The following MRTFA variants were observed in gnomAD, a reference collection of about 807,000 sequenced individuals.
The protein encoded by MRTFA is myocardin related transcription factor A.
In MRTFA, 20 loss-of-function variants were observed where a neutral mutation model predicts 83.5. That is an observed-to-expected ratio of 0.24 (90% CI 0.17 to 0.35). The LOEUF is 0.35. MRTFA is among the 10% of genes least tolerant of loss of function. MRTFA has a pLI of 1.00. For missense variants in MRTFA, 1,200 were observed against 1,224.7 expected, an observed-to-expected ratio of 0.98 and a Z score of 0.30; for synonymous variants, 659 against 541.2, an observed-to-expected ratio of 1.22 and a Z score of -3.02.
At chr22:40,499,967 G>T (rs1022222467) in intron 3 of MRTFA, among the ~76,000 whole-genome samples, 2 of 137,820 alleles carry the variant, frequency 1.5e-5, no homozygotes, top group African/African-American at 5.6e-5. Context: ...TGTCCCCAAG[G>T]CTGGAATGAA....
At position 40,420,621 on chromosome 22, in the gene MRTFA, G is replaced by C. The variant is rs369225910; in HGVS notation, c.1182-45C>G. The C allele has an allele frequency of 9.3e-5, 149 of 1,597,454 alleles. 1 individual carries two copies. The Middle Eastern group carries it at 9.8e-4, about 11-fold the overall frequency. On this transcript the variant is annotated intron_variant, in intron 10 of 14. Coordinates refer to ENST00000355630, the MANE Select transcript of MRTFA (RefSeq NM_020831.6). Reference sequence around the variant, plus strand: ...ATTAGCCCCATCCAGCTTCGCCCGTGGCCTCTGCAGGTGGCAGCCCAAGCC... The same window carrying C: ...ATTAGCCCCATCCAGCTTCGCCCGTCGCCTCTGCAGGTGGCAGCCCAAGCC...
intron 2 of MRTFA, among the ~76,000 whole-genome samples, chr22:40,573,312 T>C (rs554438153): frequency 6.6e-6 from 1 of 152,334 alleles, no homozygotes; most frequent in African/African-American, 2.4e-5. Context: ...TGGAGTGCAG[T>C]GGCACTATCT....
At chr22:40,414,837 T>C (rs1346273297) in intron 14 of MRTFA, among the ~76,000 whole-genome samples, 1 of 152,088 alleles carries the variant, frequency 6.6e-6, no homozygotes, top group Non-Finnish European at 1.5e-5. Flanking sequence ...GATTGTACAT[T>C]TAAAAAATGA....
At chr22:40,619,473 G>A (rs2056493227) in intron 1 of MRTFA, among the ~76,000 whole-genome samples, 1 of 152,180 alleles carries the variant, frequency 6.6e-6, no homozygotes, top group Admixed American at 6.6e-5. Context: ...ATGGAAAGCA[G>A]AATTTTTAAG....
intron 3 of MRTFA, among the ~76,000 whole-genome samples, chr22:40,488,938 T>C (rs544534137): frequency 2.6e-5 from 4 of 152,300 alleles, no homozygotes; most frequent in African/African-American, 9.6e-5. Context: ...TCAATACCAA[T>C]ACTGATTGAT....
intron 2 of MRTFA, among the ~76,000 whole-genome samples, chr22:40,564,841 G>A (rs1218982165): frequency 2.6e-5 from 4 of 151,922 alleles, no homozygotes; most frequent in East Asian, 1.9e-4. Flanking sequence ...TAGTAGACAC[G>A]GGATTTCACC....
At chr22:40,516,089 A>C (rs1420447506) in intron 3 of MRTFA, among the ~76,000 whole-genome samples, 1 of 152,064 alleles carries the variant, frequency 6.6e-6, no homozygotes, top group Non-Finnish European at 1.5e-5. Flanking sequence ...CAAACATCTC[A>C]AGGACTGACT....
chr22:40,455,736 G>A (rs2053573991), intron 4 of MRTFA, among the ~76,000 whole-genome samples: 1 of 151,664 alleles, frequency 6.6e-6, no homozygotes, highest in Non-Finnish European at 1.5e-5. Context: ...GGTGGCAGAG[G>A]ATGTTGGAGA....
At chr22:40,502,433 G>A (rs1040819366) in intron 3 of MRTFA, among the ~76,000 whole-genome samples, 10 of 126,408 alleles carry the variant, frequency 7.9e-5, no homozygotes, top group Admixed American at 2.3e-4. Flanking sequence ...GGGCGGCGGG[G>A]CAGAGGCGCT....
At chr22:40,502,220 C>T (rs1262061946) in intron 3 of MRTFA, among the ~76,000 whole-genome samples, 1 of 143,708 alleles carries the variant, frequency 7.0e-6, no homozygotes, top group Non-Finnish European at 1.5e-5. Context: ...CCTCACTTCC[C>T]AGATGGGGTG....
intron 4 of MRTFA, among the ~76,000 whole-genome samples, chr22:40,459,749 G>A (rs1344258): frequency 1.4e-5 from 2 of 144,150 alleles, no homozygotes; most frequent in African/African-American, 5.2e-5. Flanking sequence ...CCTTCATTCA[G>A]TGCCAGGCAC....
chr22:40,541,327 T>G (rs1717131619), intron 3 of MRTFA, among the ~76,000 whole-genome samples: 1 of 152,204 alleles, frequency 6.6e-6, no homozygotes, highest in African/African-American at 2.4e-5. Flanking sequence ...TAATCCAGTT[T>G]CTGTGCCCAT....
intron 4 of MRTFA, among the ~76,000 whole-genome samples, chr22:40,459,782 T>TATACAC (rs1261144482): frequency 1.4e-3 from 124 of 88,934 alleles, no homozygotes; most frequent in South Asian, 9.4e-3. Flanking sequence ...TGATAAAATA[T>TATACAC]ACACACACAC....
At chr22:40,503,308 T>C (rs1239610297) in intron 3 of MRTFA, among the ~76,000 whole-genome samples, 2 of 152,202 alleles carry the variant, frequency 1.3e-5, no homozygotes, top group Non-Finnish European at 2.9e-5. Context: ...TTATGAACTG[T>C]CAACAAAATC....
intron 3 of MRTFA, among the ~76,000 whole-genome samples, chr22:40,480,190 G>A (rs944126263): frequency 6.6e-6 from 1 of 152,034 alleles, no homozygotes; most frequent in African/African-American, 2.4e-5. Flanking sequence ...AGCAGAAATT[G>A]GAACCCAGCT....
intron 11 of MRTFA, 42 bp downstream of exon 11, chr22:40,420,363 G>A (rs1289755827): frequency 1.9e-6 from 3 of 1,594,534 alleles, no homozygotes; most frequent in Non-Finnish European, 1.7e-6. Context: ...CTGTGGGAAG[G>A]GCCAGGCTGG....
intron 4 of MRTFA, among the ~76,000 whole-genome samples, chr22:40,448,261 G>T (rs1277780686): frequency 6.6e-6 from 1 of 152,182 alleles, no homozygotes; most frequent in East Asian, 1.9e-4. Context: ...AGCGAGCCAA[G>T]ATCACACCAC....
chr22:40,466,541 A>C (rs2053815005), intron 3 of MRTFA, among the ~76,000 whole-genome samples: 1 of 152,330 alleles, frequency 6.6e-6, no homozygotes, highest in Non-Finnish European at 1.5e-5. Context: ...GATAAAATCT[A>C]AGAGGGATAA....
intron 2 of MRTFA, among the ~76,000 whole-genome samples, chr22:40,573,307 T>A (rs933434472): frequency 2.0e-5 from 3 of 152,186 alleles, no homozygotes; most frequent in Admixed American, 1.3e-4. Flanking sequence ...CAGGCTGGAG[T>A]GCAGTGGCAC....
Sources: gnomAD v4.1 joint callset for allele counts (sites outside exome capture counted in the v4.1 genomes callset) on GRCh38, gnomAD v4.1.1 for gene constraint, MANE v1.5 for transcripts, NCBI Gene and HGNC (gene_info 2026-07-23, HGNC 2026-07-21) for gene names.